The following BEND5 variants were observed in gnomAD, a reference collection of about 807,000 sequenced individuals.
BEND5 encodes BEN domain containing 5.
A neutral mutation model predicts 43.9 loss-of-function variants in BEND5; 22 were observed. The observed-to-expected ratio is 0.50, with a 90% CI of 0.36 to 0.72. The LOEUF is 0.72. BEND5 is among the 30% of genes least tolerant of loss of function. BEND5 has a pLI of 0.00. For missense variants in BEND5, 428 were observed against 550.6 expected (o/e 0.78, Z 2.23); for synonymous variants, 228 against 225.9 (o/e 1.01, Z -0.08).
chr1:48,770,015 C>T (rs771112621), intron 1 of BEND5, among the ~76,000 whole-genome samples: 4 of 152,102 alleles, frequency 2.6e-5, no homozygotes, highest in Middle Eastern at 3.2e-3. Context: ...CTAAAATACC[C>T]CTGACCTGCT....
chr1:48,738,057 T>C (rs1468911753), intron 4 of BEND5, among the ~76,000 whole-genome samples: 1 of 152,182 alleles, frequency 6.6e-6, no homozygotes, highest in East Asian at 1.9e-4. Context: ...GCAAGATCAA[T>C]TGTTCAAAAA....
At position 48,776,681 on chromosome 1, in the gene BEND5, G is replaced by T; in HGVS notation, c.151C>A (p.Pro51Thr). The T allele has an allele frequency of 6.6e-7, 1 of 1,511,916 alleles. No individual in the cohort carries two copies. Among genetic ancestry groups the T allele is most frequent in the Non-Finnish European group, 8.8e-7 (1 of 1,131,658 alleles). The allele number at this position is 1,511,916 out of a possible 1,614,324, so 93.7% of individuals were successfully genotyped here. Residue 51 changes from proline (P) to threonine (T), a missense_variant, in exon 1 of 6, where the codon CCC (proline) becomes ACC (threonine). Transcript: ENST00000371833. Reference sequence around the variant, plus strand: ...CGGGGGGCGCGCGGGGGGCTCTCGGGCCCGGCGCCCAATTCCTCCGGGCCC... The same window carrying T: ...CGGGGGGCGCGCGGGGGGCTCTCGGTCCCGGCGCCCAATTCCTCCGGGCCC... The part of the protein sequence containing the change: ...YRGPEELGAG[P>T]ESPPRAPRDW...
intron 3 of BEND5, among the ~76,000 whole-genome samples, chr1:48,744,896 C>A (rs1021853863): frequency 2.0e-5 from 3 of 152,178 alleles, no homozygotes; most frequent in Admixed American, 2.0e-4. Flanking sequence ...TTTGTCTTGG[C>A]GCTGAACACT....
At chr1:48,745,438 C>T (rs897308426) in intron 3 of BEND5, among the ~76,000 whole-genome samples, 4 of 152,164 alleles carry the variant, frequency 2.6e-5, no homozygotes, top group African/African-American at 4.8e-5. Flanking sequence ...GGACAGCTAA[C>T]GGACATCAGA....
chr1:48,776,484 A>G, intron 1 of BEND5, 122 bp downstream of exon 1: 2 of 720,746 alleles, frequency 2.8e-6, no homozygotes, highest in Non-Finnish European at 4.1e-6. Flanking sequence ...AGAGGACGGG[A>G]GAAGGAGGCA....
chr1:48,757,879 C>G (rs1201340837), intron 3 of BEND5, among the ~76,000 whole-genome samples: 2 of 152,182 alleles, frequency 1.3e-5, no homozygotes, highest in Admixed American at 1.3e-4. Flanking sequence ...TTATTAATTA[C>G]TGTCTTCAGG....
In BEND5 at chr1:48,758,987, C is replaced by T. The variant is rs1217581182; in HGVS notation, c.658G>A (p.Glu220Lys). The change falls in exon 3 of 6, where the codon GAG (glutamate) becomes AAG (lysine). Residue 220 changes from glutamate (E) to lysine (K), a missense_variant. By Grantham distance (56) the Glu-to-Lys change is moderately conservative. Coordinates refer to ENST00000371833, the MANE Select transcript of BEND5 (RefSeq NM_024603.4). ...QLVQQAKKLK[E>K]YGALVSEMKE... ...ATTTCAGACACAAGTGCCCCGTACT[C>T]CTTGAGCTTCTTGGCCTGTTGTACC... 6.2e-7 allele frequency: 1 copy of T among 1,613,762 alleles called. No individual in the cohort carries two copies. The highest frequency in any genetic ancestry group is 1.7e-5 in the Admixed American group (1 of 59,952).
chr1:48,758,742 G>A (rs1276528593), intron 3 of BEND5, among the ~76,000 whole-genome samples, 158 bp downstream of exon 3: 1 of 152,180 alleles, frequency 6.6e-6, no homozygotes, highest in Non-Finnish European at 1.5e-5. Context: ...ACTATGAGTG[G>A]GGAGTGACTC....
chr1:48,743,523 G>A (rs1650262431), intron 3 of BEND5, among the ~76,000 whole-genome samples: 1 of 152,160 alleles, frequency 6.6e-6, no homozygotes, highest in African/African-American at 2.4e-5. Flanking sequence ...GGGTAAATAA[G>A]GCCAAATGAC....
At chr1:48,749,047 G>A (rs539771050) in intron 3 of BEND5, among the ~76,000 whole-genome samples, 6 of 152,050 alleles carry the variant, frequency 3.9e-5, no homozygotes, top group Non-Finnish European at 7.4e-5. Flanking sequence ...CCTTTCCAAG[G>A]GGGAGAAGCC....
chr1:48,732,430 A>C (rs1322981682), intron 5 of BEND5, among the ~76,000 whole-genome samples: 1 of 152,250 alleles, frequency 6.6e-6, no homozygotes, highest in Non-Finnish European at 1.5e-5. Context: ...CAAGATGCTC[A>C]TAAAGTTTAA....
intron 3 of BEND5, among the ~76,000 whole-genome samples, chr1:48,757,413 G>T (rs961388329): frequency 2.0e-5 from 3 of 152,094 alleles, no homozygotes; most frequent in Non-Finnish European, 4.4e-5. Flanking sequence ...AACCATATGC[G>T]ACTTTTCGTG....
intron 5 of BEND5, among the ~76,000 whole-genome samples, chr1:48,731,343 C>T (rs1272409241): frequency 6.6e-6 from 1 of 152,142 alleles, no homozygotes; most frequent in Non-Finnish European, 1.5e-5. Context: ...GCCTGAAAGC[C>T]CAGTTCAGCT....
At chr1:48,737,902 A>G (rs984027138) in intron 4 of BEND5, among the ~76,000 whole-genome samples, 4 of 152,094 alleles carry the variant, frequency 2.6e-5, no homozygotes, top group Non-Finnish European at 5.9e-5. Flanking sequence ...AATGAGCTAA[A>G]CTTTCTAAGG....
chr1:48,772,016 C>T (rs1644860451), intron 1 of BEND5, among the ~76,000 whole-genome samples: 1 of 152,204 alleles, frequency 6.6e-6, no homozygotes, highest in Non-Finnish European at 1.5e-5. Flanking sequence ...CCTATCTCCC[C>T]TATTTCCCTC....
chr1:48,756,759 C>T (rs1191368499), intron 3 of BEND5, among the ~76,000 whole-genome samples: 1 of 152,224 alleles, frequency 6.6e-6, no homozygotes, highest in Admixed American at 6.5e-5. Context: ...TAAGCTTTCA[C>T]TGATGAGAGA....
chr1:48,749,116 G>A (rs1651244720), intron 3 of BEND5, among the ~76,000 whole-genome samples: 2 of 152,126 alleles, frequency 1.3e-5, no homozygotes, highest in South Asian at 4.2e-4. Flanking sequence ...GGAGGTCAAG[G>A]TTCTCCCCGA....
chr1:48,737,663 C>A (rs2148581044), intron 4 of BEND5, among the ~76,000 whole-genome samples: 1 of 152,228 alleles, frequency 6.6e-6, no homozygotes, highest in East Asian at 1.9e-4. Context: ...CCAATAAGAC[C>A]CAGAATGTTC....
intron 3 of BEND5, among the ~76,000 whole-genome samples, chr1:48,754,861 C>T (rs924079414): frequency 3.9e-5 from 6 of 152,078 alleles, no homozygotes; most frequent in Non-Finnish European, 7.4e-5. Flanking sequence ...GAAGGCCATA[C>T]GGGTGAGGGT....
Sources: gnomAD v4.1 joint callset for allele counts (sites outside exome capture counted in the v4.1 genomes callset) on GRCh38, gnomAD v4.1.1 for gene constraint, MANE v1.5 for transcripts, NCBI Gene and HGNC (gene_info 2026-07-23, HGNC 2026-07-21) for gene names.